Variants in HPSE observed in about 807,000 individuals in gnomAD.
HPSE encodes the protein heparanase.
HPSE carries 48 observed loss-of-function variants against 65.1 expected under a neutral mutation model. That is an observed-to-expected ratio of 0.74 (90% CI 0.58 to 0.94). HPSE has a LOEUF of 0.94. HPSE is among the 40% of genes least tolerant of loss of function. The probability of loss-of-function intolerance (pLI) is 0.00; values close to 1 mark genes in which losing one functional copy is unlikely to be tolerated. For missense variants in HPSE, 644 were observed against 637.5 expected (o/e 1.01, Z -0.11); for synonymous variants, 243 against 260.0 (o/e 0.93, Z 0.63).
intron 2 of HPSE, 115 bp downstream of exon 2, chr4:83,322,104 G>T: frequency 1.2e-6 from 1 of 813,978 alleles, no homozygotes; most frequent in East Asian, 2.8e-5. Context: ...CAGATGAGGG[G>T]AGAGGAAGTT....
chr4:83,313,399 G>T, intron 3 of HPSE, 112 bp from the exon 4 acceptor site: 1 of 631,608 alleles, frequency 1.6e-6, no homozygotes, highest in Non-Finnish European at 2.6e-6. Context: ...AGAAATTCTA[G>T]TTCTAATAAA....
chr4:83,312,886 GT>G, intron 4 of HPSE, among the ~76,000 whole-genome samples: 1 of 110,938 alleles, frequency 9.0e-6, no homozygotes, highest in African/African-American at 3.9e-5. Flanking sequence ...GCTGGGCGCG[GT>G]GGCGGGTGCC....
At chr4:83,307,169 C>T (rs888700926) in intron 8 of HPSE, among the ~76,000 whole-genome samples, 1 of 152,220 alleles carries the variant, frequency 6.6e-6, no homozygotes, top group Non-Finnish European at 1.5e-5. Context: ...TAATAAAACT[C>T]TGGTCTCCTG....
intron 9 of HPSE, among the ~76,000 whole-genome samples, chr4:83,303,932 T>C (rs1038180030): frequency 6.6e-6 from 1 of 152,170 alleles, no homozygotes; most frequent in East Asian, 1.9e-4. Flanking sequence ...TTAAACAAGA[T>C]CAAAGTATGC....
chr4:83,334,924 C>A, upstream of HPSE: 5 of 1,312,044 alleles, frequency 3.8e-6, no homozygotes, highest in Non-Finnish European at 5.0e-6. Flanking sequence ...CCACTGCGCC[C>A]TCCATCCCTC....
intron 8 of HPSE, 56 bp from the exon 9 acceptor site, chr4:83,306,373 C>G: frequency 2.5e-6 from 2 of 810,964 alleles, no homozygotes; most frequent in Non-Finnish European, 4.3e-6. Flanking sequence ...TCGCTCAATT[C>G]TAATTGCACA....
rs780587078 is a variant in HPSE, at chr4:83,306,281, TC to T, written c.1127del (p.Gly376GlufsTer2). The stretch of plus-strand genomic sequence containing the variant: ...ATACTTGCCTCATCACCACTTCTAT[TC>T]CCATTCGGGCTGACAGGCCCAATTT... ...LDKLGLSARMGIEVVMRQVFF... is the reference protein window; with the variant it reads ...LDKLGLSARMXIEVVMRQVFF... On this transcript the variant is annotated frameshift_variant, in exon 9 of 12. Transcript: ENST00000311412. LOFTEE classifies it high-confidence loss of function. 3.1e-6 allele frequency: 5 copies of T among 1,613,740 alleles called. No homozygotes were observed. Among genetic ancestry groups the T allele is most frequent in the Non-Finnish European group, 4.2e-6 (5 of 1,179,682 alleles).
At position 83,320,565 on chromosome 4, in the gene HPSE, CA is replaced by C. The variant is rs904935247; in HGVS notation, c.374-1097del. Reference sequence around the variant, plus strand: ...TGGGCGACAGAGCCAGACCCTGTCTCAAAAAAAAAAAAAAGAAAAAAGAAAA... The same window carrying C: ...TGGGCGACAGAGCCAGACCCTGTCTCAAAAAAAAAAAAAGAAAAAAGAAAA... On this transcript the variant is annotated intron_variant, in intron 2 of 11. Transcript: ENST00000311412. Among the ~76,000 whole-genome samples, 813 of 122,778 alleles carry C rather than the reference CA, an allele frequency of 6.6e-3. 3 individuals are homozygous for C. Among genetic ancestry groups the C allele is most frequent in the Middle Eastern group, 0.013 (3 of 230 alleles). The allele number at this position is 122,778 out of a possible 152,430, so 80.5% of individuals were successfully genotyped here.
Position 83,301,081 on chromosome 4 carries a change from T to C in HPSE, c.1351A>G (p.Thr451Ala), listed in dbSNP as rs1735930905. 2 of 1,599,478 alleles carry C rather than the reference T, an allele frequency of 1.3e-6. No homozygotes were observed. The highest frequency in any genetic ancestry group is 1.7e-6 in the Non-Finnish European group (2 of 1,172,772). The change falls in exon 11 of 12, where the codon ACT becomes GCT. Residue 451 changes from threonine to alanine, a missense_variant. By Grantham distance (58) the Thr-to-Ala change is moderately conservative (BLOSUM62 0). Transcript: ENST00000311412. ...DNPRYKEGDL[T>A]LYAINLHNVT... ...TTATGGAGGTTTATGGCATACAGAG[T>C]TAAATCTCCTTCTTTATACCTTGGA...
At position 83,315,657 on chromosome 4, in the gene HPSE, G is replaced by A. The variant is rs144604069; in HGVS notation, c.500-2370C>T. Among the ~76,000 whole-genome samples, 856 of 152,262 alleles carry A rather than the reference G, an allele frequency of 5.6e-3. 8 individuals carry two copies. The highest frequency in any genetic ancestry group is 0.01 in the Middle Eastern group (3 of 294). ...CCACTTATAGACTATAATATGAACA[G>A]GGGTAATATCTTTGCCCGACAGGAA... On this transcript the variant is annotated intron_variant, in intron 3 of 11. Coordinates refer to ENST00000311412, the MANE Select transcript of HPSE (RefSeq NM_001098540.3).
chr4:83,315,152 CAAA>C (rs58487256), intron 3 of HPSE, among the ~76,000 whole-genome samples: 1 of 142,232 alleles, frequency 7.0e-6, no homozygotes, highest in African/African-American at 2.6e-5. Flanking sequence ...GACTCTGTCT[CAAA>C]AAAAAAAAAA....
rs1202374271 is a variant in HPSE, at chr4:83,313,260, AAAGTG to A, written c.522_526del (p.Thr175CysfsTer27). The A allele has an allele frequency of 2.2e-5, 35 of 1,613,920 alleles. No individual in the cohort carries two copies. The highest frequency in any genetic ancestry group is 2.9e-5 in the Non-Finnish European group (34 of 1,179,924). ...CAAGTCCAGTCCTGAGCAGTTTGCA[AAAGTG>A]TATAGCACATCTACAGAGCTTCCTA... is the stretch of plus-strand genomic sequence containing the variant. On this transcript the variant is annotated frameshift_variant, in exon 4 of 12. Transcript: ENST00000311412. LOFTEE classifies it high-confidence loss of function.
At chr4:83,332,219 A>T (rs1257230799) in intron 1 of HPSE, among the ~76,000 whole-genome samples, 1 of 152,172 alleles carries the variant, frequency 6.6e-6, no homozygotes, top group Admixed American at 6.5e-5. Flanking sequence ...ACTCTCCTCT[A>T]CTGTGGACCC....
Position 83,306,322 on chromosome 4 carries a change from G to A in HPSE, c.1092-5C>T. 2 of 1,504,774 alleles carry A rather than the reference G, an allele frequency of 1.3e-6. No individual in the cohort carries two copies. The highest frequency in any genetic ancestry group is 1.8e-6 in the Non-Finnish European group (2 of 1,082,064). The allele number at this position is 1,504,774 out of a possible 1,614,324, so 93.2% of individuals were successfully genotyped here. A position where few individuals can be genotyped will look rare whatever the true frequency, so the allele number is the denominator to read the frequency against. On this transcript the variant is annotated splice_polypyrimidine_tract_variant and splice_region_variant and intron_variant, in intron 8 of 11. Coordinates refer to ENST00000311412, the MANE Select transcript of HPSE (RefSeq NM_001098540.3). ...AGGCCCAATTTATCCAGCCACCTGG[G>A]ACAGAGCAAGACCAAGCTTTCTTGA...
chr4:83,296,284 T>G (rs1032429089), intron 11 of HPSE, among the ~76,000 whole-genome samples: 6 of 152,218 alleles, frequency 3.9e-5, no homozygotes, highest in Non-Finnish European at 5.9e-5. Flanking sequence ...GTAGGTCTAT[T>G]GATATTTTCA....
rs529089249 is a variant in HPSE, at chr4:83,318,851, G to C, written c.499+493C>G. On this transcript the variant is annotated intron_variant, in intron 3 of 11. Coordinates refer to ENST00000311412, the MANE Select transcript of HPSE (RefSeq NM_001098540.3). ...GGGTAGCTGAGCTAGCCCTGTGTTT[G>C]CAAAAGCCACAGAGGAAACAAAAAG... Among the ~76,000 whole-genome samples the C allele has an allele frequency of 4.6e-5, 7 of 152,184 alleles. No homozygotes were observed. The East Asian group carries it at 1.2e-3, about 25-fold the overall frequency.
At position 83,308,890 on chromosome 4, in the gene HPSE, C is replaced by T; in HGVS notation, c.1046G>A (p.Gly349Glu). 6.2e-7 allele frequency: 1 copy of T among 1,614,192 alleles called. No individual in the cohort carries two copies. The highest frequency in any genetic ancestry group is 8.5e-7 in the Non-Finnish European group (1 of 1,180,018). Residue 349 changes from glycine to glutamate, a missense_variant, in exon 8 of 12, where the codon GGA becomes GAA. Gly to Glu is a moderately conservative substitution (Grantham distance 98). Transcript: ENST00000311412. ...VWLGETSSAY[G>E]GGAPLLSDTF... is the part of the protein sequence containing the mutation. ...GTCGGATAGCAAGGGCGCTCCGCCT[C>T]CATATGCAGAGCTTGTTTCTCCTAA... is the stretch of plus-strand genomic sequence containing the variant.
intron 8 of HPSE, among the ~76,000 whole-genome samples, chr4:83,308,002 C>G (rs1736208208): frequency 2.0e-5 from 3 of 152,108 alleles, no homozygotes; most frequent in Admixed American, 2.0e-4. Flanking sequence ...GGACCTCATA[C>G]TTTAGGCTCT....
At chr4:83,334,487 CG>C (rs1423966137) in intron 1 of HPSE, 68 bp downstream of exon 1, 3 of 1,458,988 alleles carry the variant, frequency 2.1e-6, no homozygotes, top group African/African-American at 2.9e-5. Context: ...AGAAGGAGAG[CG>C]GCTGGCGGGG....
Sources: gnomAD v4.1 joint callset for allele counts (sites outside exome capture counted in the v4.1 genomes callset) on GRCh38, gnomAD v4.1.1 for gene constraint, MANE v1.5 for transcripts, NCBI Gene and HGNC (gene_info 2026-07-23, HGNC 2026-07-21) for gene names.